Variants in ENO2 observed in about 807,000 individuals in gnomAD.
The protein encoded by ENO2 is enolase 2.
ENO2 carries 19 observed loss-of-function variants against 48.7 expected under a neutral mutation model. That is an observed-to-expected ratio of 0.39 (90% CI 0.27 to 0.57). ENO2 has a LOEUF of 0.57. Among genes scored for constraint, ENO2 ranks in the 20% least tolerant of loss-of-function variants. ENO2 has a pLI of 0.58. For synonymous variants in ENO2, 198 were observed against 213.4 expected (o/e 0.93, Z 0.63); for missense variants, 416 against 555.0 (o/e 0.75, Z 2.52).
rs1945361009 is a variant in ENO2 at position 6,923,452 on chromosome 12, G to GTA, written c.*652_*653insTA. 1 of 152,300 alleles carries GTA rather than the reference G, an allele frequency of 6.6e-6. No individual in the cohort carries two copies. Among genetic ancestry groups the GTA allele is most frequent in the South Asian group, 2.1e-4 (1 of 4,826 alleles). 9.4% of individuals were successfully genotyped at this position (152,300 alleles called of 1,614,324 possible). A position where few individuals can be genotyped will look rare whatever the true frequency, so the allele number is the denominator to read the frequency against. On this transcript the variant is annotated 3_prime_UTR_variant, in exon 12 of 12. Transcript: ENST00000229277. ...GGGGTGGGAGGTCTTGCTAGAATGG[G>GTA]AAGGGTCATAGAAAGGGCCTTGACA...
chr12:6,919,779 G>A lies in ENO2; in HGVS notation c.865+16G>A, dbSNP rs200611806. Reference sequence around the variant, plus strand: ...GACTATCCTGGTGAGAGGAAGTGGTGTGAGGGGGAGGTCTGGGGGCAGGCA... The same window carrying A: ...GACTATCCTGGTGAGAGGAAGTGGTATGAGGGGGAGGTCTGGGGGCAGGCA... On this transcript the variant is annotated intron_variant, in intron 8 of 11. Coordinates refer to ENST00000229277, the MANE Select transcript of ENO2 (RefSeq NM_001975.3). 1.0e-4 allele frequency: 163 copies of A among 1,611,594 alleles called. No individual in the cohort carries two copies. The highest frequency in any genetic ancestry group is 7.2e-4 in the Admixed American group (43 of 59,986).
At chr12:6,918,304 T>A in intron 7 of ENO2, 142 bp downstream of exon 7, 2 of 814,878 alleles carry the variant, frequency 2.5e-6, no homozygotes, top group Non-Finnish European at 3.8e-6. Context: ...GTTCTTAGAG[T>A]GGATTGCAGA....
In ENO2 at chr12:6,922,998, A is replaced by C. The variant is rs1276880923; in HGVS notation, c.*198A>C. The C allele has an allele frequency of 1.0e-5, 6 of 579,346 alleles. No individual in the cohort carries two copies. The African/African-American group carries it at 1.1e-4, about 11-fold the overall frequency. The allele number at this position is 579,346 out of a possible 1,614,324, so 35.9% of individuals were successfully genotyped here. ...TCGCCCTCCTTTCTGTGCCCTACTC[A>C]TTGGGGTTCCGCACTTTCCACTTCT... is the stretch of plus-strand genomic sequence containing the variant. On this transcript the variant is annotated 3_prime_UTR_variant, in exon 12 of 12. Transcript: ENST00000229277. The surrounding 1 kb of genome is among the most constrained non-coding windows in gnomAD (Gnocchi z 5.3).
chr12:6,917,478 G>C, intron 5 of ENO2, 103 bp from the exon 6 acceptor site: 1 of 1,475,958 alleles, frequency 6.8e-7, no homozygotes. Flanking sequence ...GGAGGGAGGA[G>C]GGGGTCTCCT....
intron 9 of ENO2, 117 bp downstream of exon 9, chr12:6,921,899 C>T: frequency 6.7e-7 from 1 of 1,494,356 alleles, no homozygotes; most frequent in South Asian, 1.2e-5. Context: ...CTGGAATCAT[C>T]CTCACAGTTC....
Position 6,916,660 on chromosome 12 carries a change from C to T in ENO2, c.182-11C>T, listed in dbSNP as rs1193268701. ...CTGGCCCGACCCAGTCCAGCCTCTT[C>T]CTTTCCCCAGGTGTCCTGAAGGCAG... is the stretch of plus-strand genomic sequence containing the variant. On this transcript the variant is annotated splice_polypyrimidine_tract_variant and intron_variant, in intron 3 of 11. Coordinates refer to ENST00000229277, the MANE Select transcript of ENO2 (RefSeq NM_001975.3). The surrounding 1 kb of genome is among the most constrained non-coding windows in gnomAD (Gnocchi z 4.5). The T allele has an allele frequency of 1.2e-6, 2 of 1,614,086 alleles. No homozygotes were observed. Among genetic ancestry groups the T allele is most frequent in the African/African-American group, 2.7e-5 (2 of 74,932 alleles).
chr12:6,915,590 C>T, intron 1 of ENO2: 1 of 540,380 alleles, frequency 1.9e-6, no homozygotes, highest in Non-Finnish European at 3.4e-6. Flanking sequence ...TACCCCGCCC[C>T]CCACTGCAGT....
At chr12:6,915,565 C>T (rs1391647193) in intron 1 of ENO2, 1 of 486,610 alleles carries the variant, frequency 2.1e-6, no homozygotes, top group East Asian at 3.5e-5. Flanking sequence ...GTTCTCCCAT[C>T]TCATCATTTG....
rs1378812036 is a variant in ENO2, at chr12:6,922,857, G to A, written c.*57G>A. On this transcript the variant is annotated 3_prime_UTR_variant, in exon 12 of 12. Coordinates refer to ENST00000229277, the MANE Select transcript of ENO2 (RefSeq NM_001975.3). The surrounding 1 kb of genome is among the most constrained non-coding windows in gnomAD (Gnocchi z 5.3). Reference sequence around the variant, plus strand: ...TGTCTCATCCTCCTGGAACCTTGCTGTCCTGATCTGTGATAGTTCACCCCC... The same window carrying A: ...TGTCTCATCCTCCTGGAACCTTGCTATCCTGATCTGTGATAGTTCACCCCC... The A allele has an allele frequency of 1.3e-6, 2 of 1,593,294 alleles. No homozygotes were observed. The highest frequency in any genetic ancestry group is 4.5e-5 in the East Asian group (2 of 44,792).
rs782233473 is a variant in ENO2, at chr12:6,914,634, C to T, written c.-38C>T. ...GCCACCGCCACCGCCACCGCCACTACCACCGTCTGAGTCTGCAGTCCCGAG... is the reference window on the plus strand; with the variant it reads ...GCCACCGCCACCGCCACCGCCACTATCACCGTCTGAGTCTGCAGTCCCGAG... On this transcript the variant is annotated 5_prime_UTR_variant, in exon 1 of 12. Coordinates refer to ENST00000229277, the MANE Select transcript of ENO2 (RefSeq NM_001975.3). The surrounding 1 kb of genome is among the most constrained non-coding windows in gnomAD (Gnocchi z 7.1). 2.7e-4 allele frequency: 45 copies of T among 168,472 alleles called. No homozygotes were observed. Among genetic ancestry groups the T allele is most frequent in the African/African-American group, 1.0e-3 (43 of 41,680 alleles). 10.4% of individuals were successfully genotyped at this position (168,472 alleles called of 1,614,324 possible).
chr12:6,916,963 G>A lies in ENO2; in HGVS notation c.241-75G>A. 5.6e-6 allele frequency: 9 copies of A among 1,594,888 alleles called. No individual in the cohort carries two copies. The stretch of plus-strand genomic sequence containing the variant: ...GGACCCTGGCCAAATGTGAGCTTGG[G>A]TGTGAATGAGGGGACCCTCTGCCTT... On this transcript the variant is annotated intron_variant, in intron 4 of 11. Transcript: ENST00000229277. This position sits in a 1 kb window ranked among gnomAD's most constrained non-coding sequence, Gnocchi z 4.5.
In ENO2 at chr12:6,922,641, G is replaced by T. The variant is rs1482343118; in HGVS notation, c.1236-90G>T. On this transcript the variant is annotated intron_variant, in intron 11 of 11. Transcript: ENST00000229277. The surrounding 1 kb of genome is among the most constrained non-coding windows in gnomAD (Gnocchi z 5.3). ...GGCAGGACACAAAAGCAGGTGGTGT[G>T]GGGGTGGTTGGAGTCTGGGGGACCC... 6.1e-6 allele frequency: 9 copies of T among 1,468,590 alleles called. No individual in the cohort carries two copies. Among genetic ancestry groups the T allele is most frequent in the Non-Finnish European group, 7.6e-6 (8 of 1,051,320 alleles). The allele number at this position is 1,468,590 out of a possible 1,614,324, so 91.0% of individuals were successfully genotyped here.
At chr12:6,919,474 C>A in intron 7 of ENO2, 92 bp from the exon 8 acceptor site, 1 of 1,427,366 alleles carries the variant, frequency 7.0e-7, no homozygotes, top group Non-Finnish European at 9.6e-7. Context: ...AGGAACAGCC[C>A]TCCACCTCTG....
Position 6,915,874 on chromosome 12 carries a change from C to A in ENO2, c.42C>A (p.Ser14=). 1 of 1,614,046 alleles carries A rather than the reference C, an allele frequency of 6.2e-7. No individual in the cohort carries two copies. The highest frequency in any genetic ancestry group is 8.5e-7 in the Non-Finnish European group (1 of 1,179,964). ...EKIWAREILD[S]RGNPTVEVDL... is the part of the protein sequence containing the mutation. ...TCTGGGCCCGGGAGATCCTGGACTC[C>A]CGCGGGAACCCCACAGTGGAGGTGG... The change falls in exon 2 of 12, where the codon TCC becomes TCA. Residue 14 remains serine, a synonymous_variant. Transcript: ENST00000229277.
Position 6,916,515 on chromosome 12 carries a change from G to A in ENO2, c.181+3G>A, listed in dbSNP as rs1945293278. On this transcript the variant is annotated splice_donor_region_variant and intron_variant, in intron 3 of 11. Coordinates refer to ENST00000229277, the MANE Select transcript of ENO2 (RefSeq NM_001975.3). The surrounding 1 kb of genome is among the most constrained non-coding windows in gnomAD (Gnocchi z 4.5). ...CAAACAGCGTTACTTAGGCAAAGGT[G>A]AGGTCCCTTCTCTTTTCCAGACTCT... is the stretch of plus-strand genomic sequence containing the variant. The A allele has an allele frequency of 6.2e-7, 1 of 1,614,022 alleles. No individual in the cohort carries two copies. Among genetic ancestry groups the A allele is most frequent in the Non-Finnish European group, 8.5e-7 (1 of 1,179,944 alleles).
rs374942710 is a variant in ENO2 at position 6,921,644 on chromosome 12, A to G, written c.929A>G (p.Asn310Ser). Reference sequence around the variant, plus strand: ...GCTGCCTGGTCCAAGTTCACAGCCAATGTAGGGATCCAGATTGTGGGTGAT... The same window carrying G: ...GCTGCCTGGTCCAAGTTCACAGCCAGTGTAGGGATCCAGATTGTGGGTGAT... ...DWAAWSKFTA[N>S]VGIQIVGDDL... Residue 310 changes from asparagine (N) to serine (S), a missense_variant, in exon 9 of 12, where the codon AAT becomes AGT. Physicochemically the swap from Asn to Ser is conservative, Grantham distance 46. Transcript: ENST00000229277. The G allele has an allele frequency of 2.7e-5, 44 of 1,613,972 alleles. 1 individual carries two copies. The African/African-American group carries it at 4.1e-4, about 15-fold the overall frequency.
chr12:6,922,184 G>A lies in ENO2; in HGVS notation c.1176+20G>A. 6.2e-7 allele frequency: 1 copy of A among 1,611,386 alleles called. No homozygotes were observed. Among genetic ancestry groups the A allele is most frequent in the Non-Finnish European group, 8.5e-7 (1 of 1,178,030 alleles). ...GGCCAGGTGAGTGAGGCAGCCTGGT[G>A]AGTGAAGAGAACTCTCTGTGGGATT... is the stretch of plus-strand genomic sequence containing the variant. On this transcript the variant is annotated intron_variant, in intron 10 of 11. Coordinates refer to ENST00000229277, the MANE Select transcript of ENO2 (RefSeq NM_001975.3). The surrounding 1 kb of genome is among the most constrained non-coding windows in gnomAD (Gnocchi z 5.3).
chr12:6,919,886 C>G (rs1036367288), intron 8 of ENO2, 123 bp downstream of exon 8: 5 of 1,072,396 alleles, frequency 4.7e-6, no homozygotes, highest in Non-Finnish European at 4.0e-6. Flanking sequence ...AACCTGAGAA[C>G]CAGGGAGAGG....
At chr12:6,920,404 G>GTT (rs797029668) in intron 8 of ENO2, among the ~76,000 whole-genome samples, 6 of 138,996 alleles carry the variant, frequency 4.3e-5, no homozygotes, top group African/African-American at 1.1e-4. Flanking sequence ...TTTTTGTTTT[G>GTT]TTTTTTTTTT....
Sources: gnomAD v4.1 joint callset for allele counts (sites outside exome capture counted in the v4.1 genomes callset) on GRCh38, gnomAD v4.1.1 for gene constraint, Gnocchi (gnomAD v3.1) non-coding constraint, MANE v1.5 for transcripts, NCBI Gene and HGNC (gene_info 2026-07-23, HGNC 2026-07-21) for gene names.